The following YTHDF3 variants were observed in gnomAD, a reference collection of about 807,000 sequenced individuals.
The protein encoded by YTHDF3 is YTH domain-containing family protein 3.
Under a neutral mutation model 52.5 loss-of-function variants are expected in YTHDF3, and 9 were observed. That is an observed-to-expected ratio of 0.17 (90% CI 0.10 to 0.30). The LOEUF (loss-of-function observed/expected upper bound fraction) is 0.30, where lower values mean the gene tolerates loss of function less well. YTHDF3 is among the 10% of genes least tolerant of loss of function. The pLI, the probability that YTHDF3 is intolerant of heterozygous loss-of-function variation, is 1.00. For synonymous variants in YTHDF3, 274 were observed against 243.3 expected (o/e 1.13, Z -1.18); for missense variants, 534 against 715.0 (o/e 0.75, Z 2.89).
At position 63,187,119 on chromosome 8, in the gene YTHDF3, G is replaced by A. The variant is rs756469901; in HGVS notation, c.1108G>A (p.Ala370Thr). ...AGCAGGCTTCAACCAGAACAATGGAGCGGGCAGTGAAAACTTTGGTTTAGG... is the reference window on the plus strand; with the variant it reads ...AGCAGGCTTCAACCAGAACAATGGAACGGGCAGTGAAAACTTTGGTTTAGG... ...RGAGFNQNNG[A>T]GSENFGLGVV... The change falls in exon 4 of 5, where the codon GCG becomes ACG. Residue 370 changes from alanine (A) to threonine (T), a missense_variant. Physicochemically the swap from Ala to Thr is moderately conservative, Grantham distance 58. This residue lies in a region of YTHDF3 where 203 missense variants were observed against 201.3 expected (regional missense o/e 1.01). Coordinates refer to ENST00000539294, the MANE Select transcript of YTHDF3 (RefSeq NM_152758.6). 2 of 1,613,808 alleles carry A rather than the reference G, an allele frequency of 1.2e-6. No homozygotes were observed. The highest frequency in any genetic ancestry group is 2.7e-5 in the African/African-American group (2 of 74,934).
chr8:63,184,692 C>T (rs1350467375), intron 3 of YTHDF3, among the ~76,000 whole-genome samples: 1 of 152,144 alleles, frequency 6.6e-6, no homozygotes, highest in Non-Finnish European at 1.5e-5. Flanking sequence ...GTAGAAGAAA[C>T]GGGTTAAGAA....
At chr8:63,174,645 CTGACT>C (rs1807566510) in intron 2 of YTHDF3, among the ~76,000 whole-genome samples, 1 of 152,194 alleles carries the variant, frequency 6.6e-6, no homozygotes, top group South Asian at 2.1e-4. Context: ...AAATTATTCT[CTGACT>C]TGTTTCTCAT....
At chr8:63,179,694 C>T (rs1047508963) in intron 3 of YTHDF3, among the ~76,000 whole-genome samples, 8 of 152,248 alleles carry the variant, frequency 5.3e-5, no homozygotes, top group African/African-American at 7.2e-5. Context: ...TCCACAAAAC[C>T]GCCATCGCCA....
chr8:63,185,076 A>G (rs1191027738), intron 3 of YTHDF3, among the ~76,000 whole-genome samples: 2 of 152,150 alleles, frequency 1.3e-5, no homozygotes, highest in Non-Finnish European at 2.9e-5. Context: ...GAGCCAAGAT[A>G]GCGCTGCTGC....
intron 3 of YTHDF3, among the ~76,000 whole-genome samples, chr8:63,177,985 T>G (rs1282320938): frequency 6.6e-6 from 1 of 152,166 alleles, no homozygotes; most frequent in African/African-American, 2.4e-5. Context: ...CTTGAACTCC[T>G]GACGTCAAGT....
At position 63,210,147 on chromosome 8, in the gene YTHDF3, T is replaced by G. The variant is rs964910025; in HGVS notation, c.*441T>G. 3 of 154,608 alleles carry G rather than the reference T, an allele frequency of 1.9e-5. No individual in the cohort carries two copies. The highest frequency in any genetic ancestry group is 7.2e-5 in the African/African-American group (3 of 41,546). 9.6% of individuals were successfully genotyped at this position (154,608 alleles called of 1,614,324 possible). ...GTCGATTTTTAGCTATTTGACAGATTAAAAGCAAAATAATCATGCCATATT... is the reference window on the plus strand; with the variant it reads ...GTCGATTTTTAGCTATTTGACAGATGAAAAGCAAAATAATCATGCCATATT... On this transcript the variant is annotated 3_prime_UTR_variant, in exon 5 of 5. Coordinates refer to ENST00000539294, the MANE Select transcript of YTHDF3 (RefSeq NM_152758.6).
At position 63,173,784 on chromosome 8, in the gene YTHDF3, A is replaced by G. The variant is rs1807502723; in HGVS notation, c.50-1547A>G. 4 of 532,794 alleles carry G rather than the reference A, an allele frequency of 7.5e-6. No individual in the cohort carries two copies. The South Asian group carries it at 2.4e-4, about 32-fold the overall frequency. The allele number at this position is 532,794 out of a possible 1,614,324, so 33.0% of individuals were successfully genotyped here. On this transcript the variant is annotated intron_variant, in intron 2 of 4. Coordinates refer to ENST00000539294, the MANE Select transcript of YTHDF3 (RefSeq NM_152758.6). ...TATTTTGGTTTCTAGTGGCTATTAC[A>G]TATTTAAATTCCATGGAGCATATTT... is the stretch of plus-strand genomic sequence containing the variant.
At chr8:63,179,266 AGG>A (rs946032928) in intron 3 of YTHDF3, among the ~76,000 whole-genome samples, 1 of 148,878 alleles carries the variant, frequency 6.7e-6, no homozygotes, top group African/African-American at 2.5e-5. Context: ...TTTCTCGCAG[AGG>A]GGGATTTGGC....
In YTHDF3 at chr8:63,186,937, AACC is replaced by A; in HGVS notation, c.934_936del (p.Pro312del). On this transcript the variant is annotated inframe_deletion, in exon 4 of 5. Transcript: ENST00000539294. ...ATCCAGCAGCCTCAGCCATTAATTC[AACC>A]ACCACCATTGGTGCAAAGCCAACTG... 6.2e-7 allele frequency: 1 copy of A among 1,613,918 alleles called. No individual in the cohort carries two copies.
intron 3 of YTHDF3, among the ~76,000 whole-genome samples, chr8:63,185,764 A>G (rs970914940): frequency 3.9e-5 from 6 of 152,208 alleles, no homozygotes; most frequent in African/African-American, 1.4e-4. Context: ...GCATACATCA[A>G]TTGATTAAAG....
intron 3 of YTHDF3, among the ~76,000 whole-genome samples, chr8:63,181,971 A>G (rs1450567201): frequency 6.6e-6 from 1 of 152,264 alleles, no homozygotes; most frequent in Admixed American, 6.5e-5. Flanking sequence ...AGTACATAGC[A>G]TAATACAAGC....
At chr8:63,173,851 T>TA (rs1346246446) in intron 2 of YTHDF3, among the ~76,000 whole-genome samples, 2 of 152,208 alleles carry the variant, frequency 1.3e-5, no homozygotes, top group Admixed American at 6.5e-5. Context: ...CAGACATAGT[T>TA]AAATTATGTT....
chr8:63,169,224 G>T (rs1311215992), intron 1 of YTHDF3, 163 bp from the exon 2 acceptor site: 2 of 1,316,682 alleles, frequency 1.5e-6, no homozygotes, highest in Non-Finnish European at 1.0e-6. Context: ...AGGTTTAAAG[G>T]CTGGGGGTGG....
intron 4 of YTHDF3, 41 bp downstream of exon 4, chr8:63,187,786 C>T: frequency 6.5e-7 from 1 of 1,528,124 alleles, no homozygotes; most frequent in Non-Finnish European, 8.8e-7. Flanking sequence ...CTTTGTATTG[C>T]TGGTGGGGTG....
At chr8:63,184,984 G>T (rs373937885) in intron 3 of YTHDF3, among the ~76,000 whole-genome samples, 6 of 152,260 alleles carry the variant, frequency 3.9e-5, no homozygotes, top group African/African-American at 1.4e-4. Context: ...AGCTGGGCAT[G>T]GTGGCGGACG....
At chr8:63,187,997 C>A (rs141035432) in intron 4 of YTHDF3, among the ~76,000 whole-genome samples, 6 of 152,206 alleles carry the variant, frequency 3.9e-5, no homozygotes, top group Admixed American at 6.5e-5. Flanking sequence ...CATTGGGCCT[C>A]AGTGTTTATC....
At chr8:63,205,039 G>A (rs114973068) in intron 4 of YTHDF3, among the ~76,000 whole-genome samples, 66 of 152,260 alleles carry the variant, frequency 4.3e-4, no homozygotes, top group African/African-American at 1.4e-3. Flanking sequence ...CTGTGAAAAA[G>A]ACAGGAGTTG....
chr8:63,212,459 G>A lies in YTHDF3; in HGVS notation c.*2753G>A, dbSNP rs1246551943. ...AATAAAAAAAAATGAATCAGCTTAA[G>A]TCATTTAATCATTTCAAGTGCATTC... is the stretch of plus-strand genomic sequence containing the variant. On this transcript the variant is annotated 3_prime_UTR_variant, in exon 5 of 5. Transcript: ENST00000539294. 1 of 152,568 alleles carries A rather than the reference G, an allele frequency of 6.6e-6. No individual in the cohort carries two copies. The highest frequency in any genetic ancestry group is 1.5e-5 in the Non-Finnish European group (1 of 68,024). The allele number at this position is 152,568 out of a possible 1,614,324, so 9.5% of individuals were successfully genotyped here.
chr8:63,199,829 A>G (rs1809483411), intron 4 of YTHDF3, among the ~76,000 whole-genome samples: 1 of 152,134 alleles, frequency 6.6e-6, no homozygotes. Context: ...TCATACATGA[A>G]TACTGTTGAA....
Sources: gnomAD v4.1 joint callset for allele counts (sites outside exome capture counted in the v4.1 genomes callset) on GRCh38, gnomAD v4.1.1 for gene constraint, gnomAD v4.1.1 regional missense constraint, MANE v1.5 for transcripts, NCBI Gene and HGNC (gene_info 2026-07-23, HGNC 2026-07-21) for gene names.